Variants in ESF1 observed in about 807,000 individuals in gnomAD.
The protein encoded by ESF1 is ESF1 nucleolar pre-rRNA processing protein.
In ESF1, 58 loss-of-function variants were observed where a neutral mutation model predicts 92.0. The ratio of observed to expected loss-of-function variants is 0.63; its 90% CI spans 0.51 to 0.78. ESF1 has a LOEUF of 0.78. ESF1 is among the 30% of genes least tolerant of loss of function. ESF1 has a pLI of 0.00. For synonymous variants in ESF1, 321 were observed against 313.7 expected (o/e 1.02, Z -0.24); for missense variants, 922 against 989.1 (o/e 0.93, Z 0.91).
At chr20:13,767,203 A>G (rs911994584) in intron 7 of ESF1, among the ~76,000 whole-genome samples, 1 of 152,178 alleles carries the variant, frequency 6.6e-6, no homozygotes, top group African/African-American at 2.4e-5. Context: ...TTACGGTGCA[A>G]AAAAACTAAG....
At position 13,776,127 on chromosome 20, in the gene ESF1, T is replaced by C. The variant is rs200158976; in HGVS notation, c.781A>G (p.Ser261Gly). Residue 261 changes from serine (S) to glycine (G), a missense_variant, in exon 3 of 14, where the codon AGT (serine) becomes GGT (glycine). Ser to Gly is a moderately conservative substitution (Grantham distance 56, BLOSUM62 0). Coordinates refer to ENST00000617257, the MANE Select transcript of ESF1 (RefSeq NM_001276380.2). ...TCATCACCTGAAGCTCTACCAACAC[T>C]TGTAATTTCATTTTCAGATTCCTCA... ...SDEESENEIT[S>G]VGRASGDDDG... The C allele has an allele frequency of 3.7e-6, 6 of 1,613,764 alleles. No homozygotes were observed. The highest frequency in any genetic ancestry group is 2.7e-5 in the African/African-American group (2 of 74,894).
At chr20:13,728,260 C>A in intron 11 of ESF1, 118 bp downstream of exon 11, 1 of 720,474 alleles carries the variant, frequency 1.4e-6, no homozygotes, top group Non-Finnish European at 2.3e-6. Context: ...GCTTATGTCA[C>A]TAAGGGAGCT....
rs1486107241 is a variant in ESF1, at chr20:13,776,074, CTCCTCT to C, written c.828_833del (p.Glu277_Glu278del). The C allele has an allele frequency of 6.2e-7, 1 of 1,613,328 alleles. No individual in the cohort carries two copies. Among genetic ancestry groups the C allele is most frequent in the Admixed American group, 1.7e-5 (1 of 59,986 alleles). ...CTTCATCCTCCTCTTCATCTTCATC[CTCCTCT>C]TCATCATCTTCACTTCCATCGTCAT... On this transcript the variant is annotated inframe_deletion, in exon 3 of 14. Transcript: ENST00000617257.
At chr20:13,726,398 A>AT (rs980787827) in intron 11 of ESF1, among the ~76,000 whole-genome samples, 1 of 152,074 alleles carries the variant, frequency 6.6e-6, no homozygotes, top group Non-Finnish European at 1.5e-5. Context: ...CACACAGTGC[A>AT]TTCTCACCTT....
chr20:13,748,780 G>A (rs1978455141), intron 9 of ESF1, among the ~76,000 whole-genome samples: 1 of 151,364 alleles, frequency 6.6e-6, no homozygotes, highest in East Asian at 1.9e-4. Flanking sequence ...AGTAGAGACA[G>A]GGTTTCACGT....
intron 9 of ESF1, 147 bp downstream of exon 9, chr20:13,759,545 A>G: frequency 9.1e-7 from 1 of 1,098,698 alleles, no homozygotes; most frequent in Non-Finnish European, 1.2e-6. Flanking sequence ...GTAAGAGTCT[A>G]AAATGCTAGT....
chr20:13,723,250 T>C (rs1032371335), intron 11 of ESF1, among the ~76,000 whole-genome samples: 1 of 152,164 alleles, frequency 6.6e-6, no homozygotes. Context: ...GTAAGCGCCC[T>C]AGTGATTTAC....
chr20:13,719,002 C>A lies in ESF1; in HGVS notation c.2039-18G>T. On this transcript the variant is annotated intron_variant, in intron 11 of 13. Transcript: ENST00000617257. Reference sequence around the variant, plus strand: ...ATTTATACCTGGCACAACAAACCAACATAAGAGTGGTAAAAATTACAGGAC... The same window carrying A: ...ATTTATACCTGGCACAACAAACCAAAATAAGAGTGGTAAAAATTACAGGAC... 6.4e-7 allele frequency: 1 copy of A among 1,574,014 alleles called. No homozygotes were observed. The highest frequency in any genetic ancestry group is 8.6e-7 in the Non-Finnish European group (1 of 1,162,080).
At chr20:13,735,114 T>C (rs1207013203) in intron 9 of ESF1, among the ~76,000 whole-genome samples, 1 of 152,138 alleles carries the variant, frequency 6.6e-6, no homozygotes, top group Non-Finnish European at 1.5e-5. Context: ...TCCTCCCACG[T>C]GCACTGATTT....
rs2049814431 is a variant in ESF1, at chr20:13,715,045, C to T, written c.2385G>A (p.Arg795=). ...GTTCTTGTTCTTTCCGTTCTCTTTG[C>T]CGGGCCTTCTCCTCAAGGATTTTTT... is the stretch of plus-strand genomic sequence containing the variant. ...AMEKILEEKA[R]QRERKEQELT... The change falls in exon 14 of 14, where the codon CGG becomes CGA. Residue 795 remains arginine, a synonymous_variant. Transcript: ENST00000617257. 6.2e-7 allele frequency: 1 copy of T among 1,613,918 alleles called. No individual in the cohort carries two copies. Among genetic ancestry groups the T allele is most frequent in the African/African-American group, 1.3e-5 (1 of 74,942 alleles).
chr20:13,755,723 TGATA>T (rs1238955949), intron 9 of ESF1, among the ~76,000 whole-genome samples: 1 of 152,224 alleles, frequency 6.6e-6, no homozygotes, highest in African/African-American at 2.4e-5. Context: ...ACTAAAATAT[TGATA>T]GAAAGAGTAG....
rs1401804381 is a variant in ESF1 at position 13,771,415 on chromosome 20, C to G, written c.1319G>C (p.Cys440Ser). The G allele has an allele frequency of 6.2e-7, 1 of 1,612,828 alleles. No individual in the cohort carries two copies. ...RLKYYYAVVD[C>S]DSPETASKIY... ...TTTACTAGCTGTTTCCGGAGAATCA[C>G]AGTCTACTACTGCATAATAGTACTT... is the stretch of plus-strand genomic sequence containing the variant. Residue 440 changes from cysteine to serine, a missense_variant, in exon 6 of 14, where the codon TGT becomes TCT. Coordinates refer to ENST00000617257, the MANE Select transcript of ESF1 (RefSeq NM_001276380.2).
intron 9 of ESF1, among the ~76,000 whole-genome samples, chr20:13,736,088 A>C (rs1307862168): frequency 1.3e-5 from 2 of 152,182 alleles, no homozygotes; most frequent in Admixed American, 1.3e-4. Flanking sequence ...ATGAAAGTCC[A>C]TTCCTGTAAC....
chr20:13,758,728 T>G (rs759208123), intron 9 of ESF1, among the ~76,000 whole-genome samples: 5 of 152,262 alleles, frequency 3.3e-5, no homozygotes, highest in Middle Eastern at 3.4e-3. Context: ...CAAAAATATA[T>G]CTGGTTTTAA....
intron 9 of ESF1, among the ~76,000 whole-genome samples, chr20:13,748,507 CAT>C (rs1194442538): frequency 0.054 from 6,881 of 128,516 alleles, 223 homozygotes; most frequent in Non-Finnish European, 0.066. Context: ...CATATATACA[CAT>C]ATATATACAC....
chr20:13,749,232 A>ATTTTTT (rs71188184), intron 9 of ESF1, among the ~76,000 whole-genome samples: 7 of 89,680 alleles, frequency 7.8e-5, no homozygotes, highest in African/African-American at 1.7e-4. Flanking sequence ...TGCCCGGCTA[A>ATTTTTT]TTTTTTTTTT....
chr20:13,717,343 G>A (rs1467666814), intron 13 of ESF1, 25 bp downstream of exon 13: 2 of 1,611,816 alleles, frequency 1.2e-6, no homozygotes, highest in Non-Finnish European at 1.7e-6. Flanking sequence ...AGCTTTAAGA[G>A]GCTATGCCTG....
chr20:13,720,483 G>T (rs1183250980), intron 11 of ESF1, among the ~76,000 whole-genome samples: 3 of 152,154 alleles, frequency 2.0e-5, no homozygotes, highest in Non-Finnish European at 4.4e-5. Flanking sequence ...GGAACCACTC[G>T]TCTAACTTCC....
intron 9 of ESF1, among the ~76,000 whole-genome samples, chr20:13,746,135 C>G (rs933143273): frequency 6.6e-6 from 1 of 151,860 alleles, no homozygotes; most frequent in Non-Finnish European, 1.5e-5. Context: ...TGGCTAACTT[C>G]TGTATTTTTA....
Sources: allele counts gnomAD v4.1 joint callset (sites outside exome capture counted in the v4.1 genomes callset), GRCh38; gene constraint gnomAD v4.1.1; transcripts MANE v1.5; gene names NCBI Gene and HGNC (gene_info 2026-07-23, HGNC 2026-07-21).